SH3KBP1: variants seen among roughly 807,000 people sequenced by gnomAD.
The protein encoded by SH3KBP1 is SH3 domain containing kinase binding protein 1.
Under a neutral mutation model 50.1 loss-of-function variants are expected in SH3KBP1, and 8 were observed. That is an observed-to-expected ratio of 0.16 (90% CI 0.09 to 0.29). SH3KBP1 has a LOEUF of 0.29. SH3KBP1 is among the 10% of genes least tolerant of loss of function. The pLI is 1.00. For synonymous variants in SH3KBP1, 227 were observed against 218.6 expected, an observed-to-expected ratio of 1.04 and a Z score of -0.34; for missense variants, 377 against 535.2, an observed-to-expected ratio of 0.70 and a Z score of 2.92.
At chrX:19,588,877 C>A in intron 11 of SH3KBP1, 75 bp from the exon 12 acceptor site, 1 of 868,878 alleles carries the variant, frequency 1.2e-6, no homozygotes. Context: ...CACTCATTTC[C>A]TGCTAAAAAA....
intron 3 of SH3KBP1, among the ~76,000 whole-genome samples, chrX:19,714,880 G>A (rs986714474): frequency 1.8e-5 from 2 of 111,665 alleles, no homozygotes; most frequent in East Asian, 2.8e-4. Flanking sequence ...TAATTCTATC[G>A]CAGTTACCTA....
intron 1 of SH3KBP1, among the ~76,000 whole-genome samples, chrX:19,874,163 GAGA>G (rs1249428697): frequency 9.9e-6 from 1 of 100,714 alleles, no homozygotes; most frequent in Non-Finnish European, 2.0e-5. Flanking sequence ...CTGTGGGATG[GAGA>G]AGGCCAGTAA....
chrX:19,707,452 G>A (rs760555056), intron 3 of SH3KBP1, among the ~76,000 whole-genome samples: 1 of 111,650 alleles, frequency 9.0e-6, no homozygotes, highest in Non-Finnish European at 1.9e-5. Context: ...CTTACTAATC[G>A]TCACCCTTTC....
chrX:19,653,002 T>G (rs944688896), intron 6 of SH3KBP1, among the ~76,000 whole-genome samples: 2 of 111,830 alleles, frequency 1.8e-5, no homozygotes, highest in African/African-American at 6.5e-5. Flanking sequence ...TTTTTGTTTG[T>G]TTTTGAGACA....
chrX:19,743,265 G>C (rs1307574658), intron 3 of SH3KBP1, among the ~76,000 whole-genome samples: 1 of 110,230 alleles, frequency 9.1e-6, no homozygotes, highest in Non-Finnish European at 1.9e-5. Context: ...AAATTAGCCA[G>C]GTGTGGTAGC....
chrX:19,841,821 A>G (rs987112441), intron 1 of SH3KBP1, among the ~76,000 whole-genome samples: 1 of 103,753 alleles, frequency 9.6e-6, no homozygotes, highest in Non-Finnish European at 1.9e-5. Flanking sequence ...CTCCTAAATT[A>G]TGGTCCACTG....
intron 3 of SH3KBP1, among the ~76,000 whole-genome samples, chrX:19,736,407 G>C (rs2064577265): frequency 8.9e-6 from 1 of 112,349 alleles, no homozygotes; most frequent in African/African-American, 3.2e-5. Context: ...CAGCAGGAGT[G>C]GTCTGGGTCC....
Position 19,592,058 on chromosome X carries a change from A to T in SH3KBP1, c.1138+9T>A. 8.4e-7 allele frequency: 1 copy of T among 1,185,350 alleles called. No individual in the cohort carries two copies. Among genetic ancestry groups the T allele is most frequent in the Non-Finnish European group, 1.1e-6 (1 of 872,103 alleles). ...TTCTGGAAGTGCCAATGAAGAATTG[A>T]TTTCATACCTTTTTCTTCTGTTCTG... is the stretch of plus-strand genomic sequence containing the variant. On this transcript the variant is annotated intron_variant, in intron 11 of 17. Coordinates refer to ENST00000397821, the MANE Select transcript of SH3KBP1 (RefSeq NM_031892.3).
chrX:19,764,215 T>C (rs2065523693), intron 2 of SH3KBP1, among the ~76,000 whole-genome samples: 1 of 110,129 alleles, frequency 9.1e-6, no homozygotes, highest in Non-Finnish European at 1.9e-5. Flanking sequence ...TTCCAAAGCT[T>C]AGGTTTGGGG....
intron 6 of SH3KBP1, chrX:19,670,535 A>G (rs750090520): frequency 2.9e-4 from 53 of 180,211 alleles, no homozygotes; most frequent in Admixed American, 1.5e-3. Context: ...TCTCTCTGCA[A>G]TATGAGCACA....
chrX:19,754,732 G>A (rs1299998400), intron 2 of SH3KBP1, among the ~76,000 whole-genome samples: 1 of 111,273 alleles, frequency 9.0e-6, no homozygotes, highest in Non-Finnish European at 1.9e-5. Context: ...ATTCTCAATT[G>A]AGCCCAAAGC....
At chrX:19,608,306 C>CTTT (rs57794070) in intron 8 of SH3KBP1, among the ~76,000 whole-genome samples, 36 of 87,260 alleles carry the variant, frequency 4.1e-4, no homozygotes, top group African/African-American at 1.1e-3. Flanking sequence ...TTCTTTCTTT[C>CTTT]TTTTTTTTTT....
At chrX:19,716,516 C>T (rs1010942294) in intron 3 of SH3KBP1, among the ~76,000 whole-genome samples, 1 of 111,908 alleles carries the variant, frequency 8.9e-6, no homozygotes, top group African/African-American at 3.3e-5. Flanking sequence ...TCATTTTCTC[C>T]CAAGTCTTGG....
At chrX:19,613,741 A>G (rs958859361) in intron 8 of SH3KBP1, among the ~76,000 whole-genome samples, 1 of 112,395 alleles carries the variant, frequency 8.9e-6, no homozygotes, top group Non-Finnish European at 1.9e-5. Context: ...CATACTGCTT[A>G]TAACAGGGAA....
At chrX:19,549,511 C>T (rs1189528807) in intron 14 of SH3KBP1, among the ~76,000 whole-genome samples, 4 of 111,458 alleles carry the variant, frequency 3.6e-5, no homozygotes, top group Non-Finnish European at 5.7e-5. Flanking sequence ...TGAAGGTCTG[C>T]GTGGTATTCT....
chrX:19,571,321 C>T (rs976537845), intron 12 of SH3KBP1, among the ~76,000 whole-genome samples: 11 of 111,895 alleles, frequency 9.8e-5, no homozygotes, highest in Admixed American at 1.9e-4. Context: ...TTTCCTGCCT[C>T]ACCCTAACTT....
At chrX:19,864,365 G>A (rs1449950747) in intron 1 of SH3KBP1, among the ~76,000 whole-genome samples, 1 of 111,368 alleles carries the variant, frequency 9.0e-6, no homozygotes, top group African/African-American at 3.3e-5. Flanking sequence ...CAAGCAAAAG[G>A]GAATGAAAGT....
chrX:19,617,910 AAAAC>A (rs1330243654), intron 8 of SH3KBP1, among the ~76,000 whole-genome samples: 5 of 111,426 alleles, frequency 4.5e-5, no homozygotes, highest in Non-Finnish European at 3.8e-5. Context: ...GGAAAAAACA[AAAAC>A]AAAAACAAAA....
chrX:19,570,880 C>G (rs2065986881), intron 12 of SH3KBP1, among the ~76,000 whole-genome samples: 1 of 111,789 alleles, frequency 8.9e-6, no homozygotes, highest in South Asian at 3.7e-4. Context: ...CACCTGAGCC[C>G]AGGGAAGTTG....
Sources: allele counts gnomAD v4.1 joint callset (sites outside exome capture counted in the v4.1 genomes callset), GRCh38; gene constraint gnomAD v4.1.1; transcripts MANE v1.5; gene names NCBI Gene and HGNC (gene_info 2026-07-23, HGNC 2026-07-21).